SRGAP2: variants seen among roughly 807,000 people sequenced by gnomAD.
The protein encoded by SRGAP2 is SLIT-ROBO Rho GTPase-activating protein 2.
Under a neutral mutation model 57.2 loss-of-function variants are expected in SRGAP2, and 15 were observed. The ratio of observed to expected loss-of-function variants is 0.26; its 90% CI spans 0.18 to 0.40. SRGAP2 has a LOEUF of 0.40. Ranked by LOEUF, SRGAP2 falls within the 10% of genes least tolerant of loss-of-function variation. The probability of loss-of-function intolerance (pLI) is 1.00; values close to 1 mark genes in which losing one functional copy is unlikely to be tolerated. For missense variants in SRGAP2, 520 were observed against 669.6 expected (o/e 0.78, Z 2.47); for synonymous variants, 249 against 248.0 (o/e 1.00, Z -0.04).
intron 2 of SRGAP2, among the ~76,000 whole-genome samples, chr1:206,263,766 G>A (rs1308163995): frequency 3.9e-5 from 6 of 152,050 alleles, no homozygotes; most frequent in African/African-American, 1.5e-4. Flanking sequence ...ACATCTATGA[G>A]GGAGACATAA....
chr1:206,300,085 C>A (rs1407798690), intron 2 of SRGAP2, among the ~76,000 whole-genome samples: 6 of 149,912 alleles, frequency 4.0e-5, no homozygotes, highest in Admixed American at 6.6e-5. Context: ...TCCTGGTAGA[C>A]CTCAGGGTGT....
intron 2 of SRGAP2, among the ~76,000 whole-genome samples, chr1:206,262,442 C>G (rs549953136): frequency 2.2e-4 from 33 of 147,224 alleles, no homozygotes; most frequent in Non-Finnish European, 4.5e-4. Context: ...GGAAGGCACT[C>G]TCTTTTACAT....
rs1227372820 is a variant in SRGAP2 at position 206,306,545 on chromosome 1, G to A, written c.260+3072G>A. ...AGAACAAACCTTCCACCGTGTGGAA[G>A]GGGACCCGAGCGGGTTGCCAATGTT... On this transcript the variant is annotated intron_variant, in intron 3 of 22. Transcript: ENST00000573034. Among the ~76,000 whole-genome samples, 29 of 152,232 alleles carry A rather than the reference G, an allele frequency of 1.9e-4. No individual in the cohort carries two copies. In the South Asian group the frequency reaches 4.8e-3, roughly 25 times the overall value.
At chr1:206,439,040 CTT>C (rs1163194835) in intron 16 of SRGAP2, among the ~76,000 whole-genome samples, 1 of 152,116 alleles carries the variant, frequency 6.6e-6, no homozygotes, top group Non-Finnish European at 1.5e-5. Context: ...TGGGTCATGT[CTT>C]TGTCTTTTTC....
chr1:206,437,702 AG>A, intron 15 of SRGAP2: 1 of 435,204 alleles, frequency 2.3e-6, no homozygotes, highest in Non-Finnish European at 4.2e-6. Context: ...CTCAGCCCAT[AG>A]GGAATGTCCC....
chr1:206,436,946 CT>C lies in SRGAP2; in HGVS notation c.1556-15del, dbSNP rs782165740. The C allele has an allele frequency of 1.3e-6, 1 of 780,716 alleles. No individual in the cohort carries two copies. Among genetic ancestry groups the C allele is most frequent in the Admixed American group, 1.7e-5 (1 of 59,026 alleles). The allele number at this position is 780,716 out of a possible 1,614,324, so 48.4% of individuals were successfully genotyped here. ...ATTTGCTTTTTCTTCTTCTTGATCA[CT>C]TTTCTGTGTATTTCCAGGACTACAG... is the stretch of plus-strand genomic sequence containing the variant. On this transcript the variant is annotated intron_variant, in intron 14 of 22. Coordinates refer to ENST00000573034, the MANE Select transcript of SRGAP2 (RefSeq NM_015326.5).
chr1:206,451,007 C>T, intron 19 of SRGAP2, among the ~76,000 whole-genome samples: 1 of 148,982 alleles, frequency 6.7e-6, no homozygotes, highest in East Asian at 2.0e-4. Context: ...GTGCCAGCTA[C>T]TTGGGAGGCT....
chr1:206,363,856 T>A (rs868918025), intron 4 of SRGAP2, among the ~76,000 whole-genome samples: 5 of 152,242 alleles, frequency 3.3e-5, no homozygotes, highest in Non-Finnish European at 7.3e-5. Flanking sequence ...TTTTAATTAC[T>A]CGGTGAGGAT....
intron 3 of SRGAP2, among the ~76,000 whole-genome samples, chr1:206,339,089 G>T (rs1674978784): frequency 6.6e-6 from 1 of 151,646 alleles, no homozygotes; most frequent in Non-Finnish European, 1.5e-5. Flanking sequence ...TTGTAATCTT[G>T]AGCTTTAAAT....
At chr1:206,421,745 A>T (rs1660331042) in intron 13 of SRGAP2, among the ~76,000 whole-genome samples, 1 of 152,138 alleles carries the variant, frequency 6.6e-6, no homozygotes, top group African/African-American at 2.4e-5. Flanking sequence ...CAATGAGAAG[A>T]TTAAGTCTGG....
At chr1:206,434,292 A>G (rs1026512667) in intron 14 of SRGAP2, among the ~76,000 whole-genome samples, 1 of 152,228 alleles carries the variant, frequency 6.6e-6, no homozygotes, top group Non-Finnish European at 1.5e-5. Context: ...CATGATGGAA[A>G]AAAACAAAAA....
intron 17 of SRGAP2, among the ~76,000 whole-genome samples, chr1:206,441,058 A>G: frequency 6.6e-6 from 1 of 152,200 alleles, no homozygotes; most frequent in East Asian, 1.9e-4. Context: ...GGATTTGCCC[A>G]TGGATTATAC....
chr1:206,421,338 A>G (rs1553364278), intron 13 of SRGAP2, 64 bp downstream of exon 13: 1 of 731,690 alleles, frequency 1.4e-6, no homozygotes, highest in African/African-American at 1.7e-5. Context: ...ACAGGCATTT[A>G]TTGAGCGCCA....
chr1:206,353,993 G>T (rs1676243967), intron 4 of SRGAP2, among the ~76,000 whole-genome samples: 3 of 151,600 alleles, frequency 2.0e-5, no homozygotes, highest in South Asian at 4.2e-4. Context: ...GTCTCGCTGT[G>T]GTGCCCAGGC....
intron 2 of SRGAP2, among the ~76,000 whole-genome samples, chr1:206,237,648 C>T (rs571224495): frequency 6.6e-6 from 1 of 152,120 alleles, no homozygotes; most frequent in Admixed American, 6.5e-5. Context: ...ACTCATATTT[C>T]ACTTGTTTGT....
rs9242 is a variant in SRGAP2 at position 206,464,055 on chromosome 1, T to C, written c.*2635T>C. On this transcript the variant is annotated 3_prime_UTR_variant, in exon 23 of 23. Coordinates refer to ENST00000573034, the MANE Select transcript of SRGAP2 (RefSeq NM_015326.5). ...GCTACTAGCATCCCAATTTAGAAAA[T>C]AGAGGAGTTTGTAGCCAGCAGCCTG... The C allele has an allele frequency of 0.52, 79,625 of 152,252 alleles. 21,254 individuals are homozygous for C. The highest frequency in any genetic ancestry group is 0.73 in the East Asian group (3,758 of 5,144). 9.4% of individuals were successfully genotyped at this position (152,252 alleles called of 1,614,324 possible). A position where few individuals can be genotyped will look rare whatever the true frequency, so the allele number is the denominator to read the frequency against.
intron 3 of SRGAP2, among the ~76,000 whole-genome samples, chr1:206,314,109 T>G (rs1187244654): frequency 6.8e-5 from 10 of 146,150 alleles, no homozygotes; most frequent in East Asian, 5.8e-4. Context: ...TTTTTTGTTT[T>G]TTTTTTTTTG....
At chr1:206,216,802 TTG>T (rs1553303486) in intron 2 of SRGAP2, among the ~76,000 whole-genome samples, 1 of 89,484 alleles carries the variant, frequency 1.1e-5, no homozygotes, top group African/African-American at 4.9e-5. Context: ...GTTTTTTTGT[TTG>T]TTTGTTTGTT....
chr1:206,428,231 A>G (rs1313065112), intron 13 of SRGAP2, among the ~76,000 whole-genome samples: 1 of 152,102 alleles, frequency 6.6e-6, no homozygotes, highest in African/African-American at 2.4e-5. Flanking sequence ...CCTGGCTAAC[A>G]CAATGAAACC....
Sources: allele counts gnomAD v4.1 joint callset (sites outside exome capture counted in the v4.1 genomes callset), GRCh38; gene constraint gnomAD v4.1.1; transcripts MANE v1.5; gene names NCBI Gene and HGNC (gene_info 2026-07-23, HGNC 2026-07-21).